DUSP28: variants seen among roughly 807,000 people sequenced by gnomAD.
The protein encoded by DUSP28 is dual specificity phosphatase 28.
In DUSP28, 11 loss-of-function variants were observed where a neutral mutation model predicts 8.4. The ratio of observed to expected loss-of-function variants is 1.31; its 90% CI spans 0.83 to 2.17. The LOEUF (loss-of-function observed/expected upper bound fraction) is 2.17, where lower values mean the gene tolerates loss of function less well. Among genes scored for constraint, DUSP28 ranks in the 30% most tolerant of loss-of-function variants. The pLI is 0.00. For missense variants in DUSP28, 373 were observed against 270.4 expected (o/e 1.38, Z -2.66); for synonymous variants, 178 against 130.9 (o/e 1.36, Z -2.46).
intron 1 of DUSP28, 81 bp from the exon 2 acceptor site, chr2:240,561,249 C>G: frequency 6.2e-7 from 1 of 1,600,522 alleles, no homozygotes; most frequent in Non-Finnish European, 8.5e-7. Context: ...GGGCGGGGCC[C>G]ACTCTTACAG....
rs537091038 is a variant in DUSP28 at position 240,561,043 on chromosome 2, G to A, written c.359G>A (p.Arg120Gln). The part of the protein sequence containing the change: ...SAAVCTAYLM[R>Q]HRGLSLAKAF... ...GCCGTCTGCACCGCGTACCTCATGC[G>A]GCACCGCGGCCTCAGCCTGGCGAAG... Residue 120 changes from arginine (R) to glutamine (Q), a missense_variant, in exon 1 of 2, where the codon CGG becomes CAG. Transcript: ENST00000405954. The A allele has an allele frequency of 1.7e-5, 26 of 1,516,990 alleles. 1 individual carries two copies. The highest frequency in any genetic ancestry group is 4.7e-4 in the Middle Eastern group (2 of 4,240). The allele number at this position is 1,516,990 out of a possible 1,614,324, so 94.0% of individuals were successfully genotyped here.
Position 240,561,255 on chromosome 2 carries a change from T to TA in DUSP28, c.394-74dup, listed in dbSNP as rs1236499930. On this transcript the variant is annotated intron_variant, in intron 1 of 1. Transcript: ENST00000405954. The stretch of plus-strand genomic sequence containing the variant: ...TTCCGGGTTGGGCGGGGCCCACTCT[T>TA]ACAGCTGGGCCCGCCTTGGCCCCTG... 7 of 1,607,004 alleles carry TA rather than the reference T, an allele frequency of 4.4e-6. No homozygotes were observed. The East Asian group carries it at 1.3e-4, about 31-fold the overall frequency.
rs766100450 is a variant in DUSP28, at chr2:240,560,761, T to C, written c.77T>C (p.Leu26Pro). The change falls in exon 1 of 2, where the codon CTC becomes CCC. Residue 26 changes from leucine to proline, a missense_variant. Coordinates refer to ENST00000405954, the MANE Select transcript of DUSP28 (RefSeq NM_001370465.2). Reference sequence around the variant, plus strand: ...CCGTTGGTGCGCGTCGCGCCCTCACTCTTCCTCGGGAGCGCGCGAGCCGCG... The same window carrying C: ...CCGTTGGTGCGCGTCGCGCCCTCACCCTTCCTCGGGAGCGCGCGAGCCGCG... ...PPPLVRVAPS[L>P]FLGSARAAGA... 6.7e-7 allele frequency: 1 copy of C among 1,486,614 alleles called. No individual in the cohort carries two copies. 92.1% of individuals were successfully genotyped at this position (1,486,614 alleles called of 1,614,324 possible).
rs201513752 is a variant in DUSP28 at position 240,561,321 on chromosome 2, T to A, written c.394-9T>A. ...ACTTGGGGTTATTCAGTACACTTCT[T>A]GTTTGCAGATGGTGAAGAGCGCTCG... On this transcript the variant is annotated splice_polypyrimidine_tract_variant and intron_variant, in intron 1 of 1. Coordinates refer to ENST00000405954, the MANE Select transcript of DUSP28 (RefSeq NM_001370465.2). 7 of 1,613,830 alleles carry A rather than the reference T, an allele frequency of 4.3e-6. No homozygotes were observed. The highest frequency in any genetic ancestry group is 5.9e-6 in the Non-Finnish European group (7 of 1,180,028).
In DUSP28 at chr2:240,561,016, C is replaced by A. The variant is rs982096102; in HGVS notation, c.332C>A (p.Ala111Asp). ...TGCAAGAACGGCCGCAGCCGCTCGGCCGCCGTCTGCACCGCGTACCTCATG... is the reference window on the plus strand; with the variant it reads ...TGCAAGAACGGCCGCAGCCGCTCGGACGCCGTCTGCACCGCGTACCTCATG... Reference protein sequence around the residue: ...VYCKNGRSRSAAVCTAYLMRH... With the variant: ...VYCKNGRSRSDAVCTAYLMRH... Residue 111 changes from alanine to aspartate, a missense_variant, in exon 1 of 2, where the codon GCC (alanine) becomes GAC (aspartate). Coordinates refer to ENST00000405954, the MANE Select transcript of DUSP28 (RefSeq NM_001370465.2). 3 of 1,533,856 alleles carry A rather than the reference C, an allele frequency of 2.0e-6. No homozygotes were observed. The African/African-American group carries it at 4.2e-5, about 21-fold the overall frequency.
In DUSP28 at chr2:240,561,361, C is replaced by A; in HGVS notation, c.425C>A (p.Pro142Gln). 1 of 1,613,820 alleles carries A rather than the reference C, an allele frequency of 6.2e-7. No individual in the cohort carries two copies. Among genetic ancestry groups the A allele is most frequent in the Non-Finnish European group, 8.5e-7 (1 of 1,180,022 alleles). ...MVKSARPVAE[P>Q]NPGFWSQLQK... ...AAGAGCGCTCGCCCGGTAGCAGAAC[C>A]GAACCCGGGCTTCTGGTCTCAGCTC... Residue 142 changes from proline (P) to glutamine (Q), a missense_variant, in exon 2 of 2, where the codon CCG (proline) becomes CAG (glutamine). Transcript: ENST00000405954.
Position 240,562,172 on chromosome 2 carries a change from C to A in DUSP28, c.*705C>A, listed in dbSNP as rs138169951. 5,098 of 152,284 alleles carry A rather than the reference C, an allele frequency of 0.033. 137 individuals are homozygous for A. The highest frequency in any genetic ancestry group is 0.11 in the South Asian group (515 of 4,822). 9.4% of individuals were successfully genotyped at this position (152,284 alleles called of 1,614,324 possible). A position where few individuals can be genotyped will look rare whatever the true frequency, so the allele number is the denominator to read the frequency against. On this transcript the variant is annotated 3_prime_UTR_variant, in exon 2 of 2. Coordinates refer to ENST00000405954, the MANE Select transcript of DUSP28 (RefSeq NM_001370465.2). The stretch of plus-strand genomic sequence containing the variant: ...CAATCCCGGCTCACTGCAACCTCCG[C>A]CTCCCTGGTTCAAGTGATTCTCCTG...
chr2:240,561,343 C>T lies in DUSP28; in HGVS notation c.407C>T (p.Ala136Val). ...LAKAFQMVKS[A>V]RPVAEPNPGF... is the part of the protein sequence containing the mutation. ...TCTTGTTTGCAGATGGTGAAGAGCG[C>T]TCGCCCGGTAGCAGAACCGAACCCG... The change falls in exon 2 of 2, where the codon GCT becomes GTT. Residue 136 changes from alanine to valine, a missense_variant. Transcript: ENST00000405954. The T allele has an allele frequency of 6.2e-7, 1 of 1,613,918 alleles. No homozygotes were observed. The highest frequency in any genetic ancestry group is 8.5e-7 in the Non-Finnish European group (1 of 1,180,046).
At position 240,564,402 on chromosome 2, in the gene DUSP28, C is replaced by T. The variant is rs190977450; in HGVS notation, c.*2935C>T. Among the ~76,000 whole-genome samples, 48 of 152,316 alleles carry T rather than the reference C, an allele frequency of 3.2e-4. No individual in the cohort carries two copies. Among genetic ancestry groups the T allele is most frequent in the African/African-American group, 1.1e-3 (45 of 41,560 alleles). ...TTTTTCCCAGTTAAGCCCCATCTTC[C>T]GGAAATGCAGCTCCAGAGGGTCTCT... On this transcript the variant is annotated 3_prime_UTR_variant, in exon 2 of 2. Transcript: ENST00000405954.
chr2:240,560,598 C>CG lies in DUSP28; in HGVS notation c.-85dup. 1 of 1,332,310 alleles carries CG rather than the reference C, an allele frequency of 7.5e-7. No homozygotes were observed. Among genetic ancestry groups the CG allele is most frequent in the South Asian group, 1.9e-5 (1 of 52,744 alleles). 82.5% of individuals were successfully genotyped at this position (1,332,310 alleles called of 1,614,324 possible). On this transcript the variant is annotated 5_prime_UTR_variant, in exon 1 of 2. An upstream open reading frame in the 5' UTR loses its in-frame stop. Transcript: ENST00000405954. The stretch of plus-strand genomic sequence containing the variant: ...ACCCGGGGGCGCCCGGCGGCCCGCC[C>CG]GGCTCCCACAAATAGACTCCTGGGC...
chr2:240,564,127 T>C lies in DUSP28; in HGVS notation c.*2660T>C, dbSNP rs2125445247. 1 of 152,450 alleles carries C rather than the reference T, an allele frequency of 6.6e-6. No individual in the cohort carries two copies. Among genetic ancestry groups the C allele is most frequent in the South Asian group, 2.1e-4 (1 of 4,830 alleles). The allele number at this position is 152,450 out of a possible 1,614,324, so 9.4% of individuals were successfully genotyped here. A position where few individuals can be genotyped will look rare whatever the true frequency, so the allele number is the denominator to read the frequency against. ...GGGTTGCAGAAATTTCTCTCAAGCA[T>C]CATCACCACTTTTGCTCAGTTATCA... is the stretch of plus-strand genomic sequence containing the variant. On this transcript the variant is annotated 3_prime_UTR_variant, in exon 2 of 2. Coordinates refer to ENST00000405954, the MANE Select transcript of DUSP28 (RefSeq NM_001370465.2).
At position 240,560,668 on chromosome 2, in the gene DUSP28, A is replaced by T; in HGVS notation, c.-17A>T. 1 of 1,499,616 alleles carries T rather than the reference A, an allele frequency of 6.7e-7. No homozygotes were observed. Among genetic ancestry groups the T allele is most frequent in the Non-Finnish European group, 8.8e-7 (1 of 1,135,910 alleles). The allele number at this position is 1,499,616 out of a possible 1,614,324, so 92.9% of individuals were successfully genotyped here. On this transcript the variant is annotated 5_prime_UTR_variant, in exon 1 of 2. Coordinates refer to ENST00000405954, the MANE Select transcript of DUSP28 (RefSeq NM_001370465.2). ...ATAGATCCTCAGGGCCCAAAAGCAG[A>T]CTCTTCGGCGGGCGCCATGGGACCG...
chr2:240,563,701 T>TA lies in DUSP28; in HGVS notation c.*2235dup, dbSNP rs1172113049. 5 of 152,596 alleles carry TA rather than the reference T, an allele frequency of 3.3e-5. No individual in the cohort carries two copies. Among genetic ancestry groups the TA allele is most frequent in the Non-Finnish European group, 1.5e-5 (1 of 68,044 alleles). 9.5% of individuals were successfully genotyped at this position (152,596 alleles called of 1,614,324 possible). On this transcript the variant is annotated 3_prime_UTR_variant, in exon 2 of 2. Coordinates refer to ENST00000405954, the MANE Select transcript of DUSP28 (RefSeq NM_001370465.2). ...GTTTCTGGCAAAGCCTGCCGTGTCT[T>TA]ACATTTGTCTCTCTATCCGGATTAG...
Position 240,560,986 on chromosome 2 carries a change from T to G in DUSP28, c.302T>G (p.Val101Gly). The G allele has an allele frequency of 6.5e-7, 1 of 1,544,406 alleles. No individual in the cohort carries two copies. The highest frequency in any genetic ancestry group is 8.6e-7 in the Non-Finnish European group (1 of 1,158,026). ...GTGCGCGCCGGCGGCGCCTGCCTAG[T>G]CTACTGCAAGAACGGCCGCAGCCGC... is the stretch of plus-strand genomic sequence containing the variant. ...AAVRAGGACLVYCKNGRSRSA... is the reference protein window; with the variant it reads ...AAVRAGGACLGYCKNGRSRSA... Residue 101 changes from valine to glycine, a missense_variant, in exon 1 of 2, where the codon GTC becomes GGC. Transcript: ENST00000405954.
In DUSP28 at chr2:240,560,831, C is replaced by G. The variant is rs866376996; in HGVS notation, c.147C>G (p.Val49=). Residue 49 remains valine (V), a synonymous_variant, in exon 1 of 2, where the codon GTC becomes GTG. Coordinates refer to ENST00000405954, the MANE Select transcript of DUSP28 (RefSeq NM_001370465.2). The part of the protein sequence containing the change: ...QLARAGVTLC[V]NVSRQQPGPR... ...CGCGCGCGGGAGTCACGCTGTGCGT[C>G]AACGTCTCCCGCCAGCAGCCCGGCC... 8.5e-6 allele frequency: 12 copies of G among 1,414,776 alleles called. No homozygotes were observed. The African/African-American group carries it at 1.2e-4, about 14-fold the overall frequency. The allele number at this position is 1,414,776 out of a possible 1,614,324, so 87.6% of individuals were successfully genotyped here. A position where few individuals can be genotyped will look rare whatever the true frequency, so the allele number is the denominator to read the frequency against.
In DUSP28 at chr2:240,560,749, T is replaced by C; in HGVS notation, c.65T>C (p.Val22Ala). The C allele has an allele frequency of 6.6e-7, 1 of 1,506,296 alleles. No homozygotes were observed. The highest frequency in any genetic ancestry group is 8.8e-7 in the Non-Finnish European group (1 of 1,139,538). The allele number at this position is 1,506,296 out of a possible 1,614,324, so 93.3% of individuals were successfully genotyped here. A position where few individuals can be genotyped will look rare whatever the true frequency, so the allele number is the denominator to read the frequency against. Residue 22 changes from valine to alanine, a missense_variant, in exon 1 of 2, where the codon GTC becomes GCC. By Grantham distance (64) the Val-to-Ala change is moderately conservative. Coordinates refer to ENST00000405954, the MANE Select transcript of DUSP28 (RefSeq NM_001370465.2). ...CCCGTACCTCCACCGTTGGTGCGCGTCGCGCCCTCACTCTTCCTCGGGAGC... is the reference window on the plus strand; with the variant it reads ...CCCGTACCTCCACCGTTGGTGCGCGCCGCGCCCTCACTCTTCCTCGGGAGC... ...ASPVPPPLVR[V>A]APSLFLGSAR...
At position 240,565,209 on chromosome 2, in the gene DUSP28, T is replaced by G. The variant is rs1559412782; in HGVS notation, c.*3742T>G. Among the ~76,000 whole-genome samples the G allele has an allele frequency of 6.6e-6, 1 of 151,644 alleles. No homozygotes were observed. Among genetic ancestry groups the G allele is most frequent in the African/African-American group, 2.4e-5 (1 of 41,444 alleles). ...TGGTTAATATATACAACTACGCGTATTTACATTCTGTATGCGTCAATGAGT... is the reference window on the plus strand; with the variant it reads ...TGGTTAATATATACAACTACGCGTAGTTACATTCTGTATGCGTCAATGAGT... On this transcript the variant is annotated 3_prime_UTR_variant, in exon 2 of 2. Coordinates refer to ENST00000405954, the MANE Select transcript of DUSP28 (RefSeq NM_001370465.2).
At position 240,563,971 on chromosome 2, in the gene DUSP28, G is replaced by A. The variant is rs1169954313; in HGVS notation, c.*2504G>A. ...GAGGGTTGTATATTTTCCCGTTGGA[G>A]ACACATCTGGAATTTGCTGCAATAA... On this transcript the variant is annotated 3_prime_UTR_variant, in exon 2 of 2. Transcript: ENST00000405954. The A allele has an allele frequency of 6.6e-6, 1 of 152,362 alleles. No individual in the cohort carries two copies. The highest frequency in any genetic ancestry group is 1.5e-5 in the Non-Finnish European group (1 of 68,044). The allele number at this position is 152,362 out of a possible 1,614,324, so 9.4% of individuals were successfully genotyped here.
In DUSP28 at chr2:240,561,502, C is replaced by T; in HGVS notation, c.*35C>T. On this transcript the variant is annotated 3_prime_UTR_variant, in exon 2 of 2. Coordinates refer to ENST00000405954, the MANE Select transcript of DUSP28 (RefSeq NM_001370465.2). ...GCCTGCTGCCTGGAGGAAGGATGTC[C>T]CTGCACTGATACAGAAGGCTGGTCT... 1 of 1,588,434 alleles carries T rather than the reference C, an allele frequency of 6.3e-7. No homozygotes were observed. Among genetic ancestry groups the T allele is most frequent in the Non-Finnish European group, 8.6e-7 (1 of 1,167,588 alleles).
Sources: allele counts gnomAD v4.1 joint callset (sites outside exome capture counted in the v4.1 genomes callset), GRCh38; gene constraint gnomAD v4.1.1; transcripts MANE v1.5; gene names NCBI Gene and HGNC (gene_info 2026-07-23, HGNC 2026-07-21).